The following HELLS variants were observed in gnomAD, a reference collection of about 807,000 sequenced individuals.
HELLS encodes the protein lymphoid-specific helicase.
Under a neutral mutation model 120.0 loss-of-function variants are expected in HELLS, and 32 were observed. The ratio of observed to expected loss-of-function variants is 0.27; its 90% confidence interval spans 0.20 to 0.36. The LOEUF (loss-of-function observed/expected upper bound fraction) is 0.36, where lower values mean the gene tolerates loss of function less well. Among genes scored for constraint, HELLS ranks in the 10% least tolerant of loss-of-function variants. The pLI, the probability that HELLS is intolerant of heterozygous loss-of-function variation, is 1.00. For synonymous variants in HELLS, 341 were observed against 323.4 expected (o/e 1.05, Z -0.58); for missense variants, 650 against 993.4 (o/e 0.65, Z 4.65).
intron 8 of HELLS, among the ~76,000 whole-genome samples, chr10:94,607,572 T>C (rs912953503): frequency 6.6e-6 from 1 of 152,242 alleles, no homozygotes; most frequent in Non-Finnish European, 1.5e-5. Context: ...TTTATTTCTT[T>C]AGTGAGTCAC....
At chr10:94,551,796 G>T (rs185474383) in intron 2 of HELLS, among the ~76,000 whole-genome samples, 3,148 of 151,018 alleles carry the variant, frequency 0.021, 74 homozygotes, top group Non-Finnish European at 0.029. Flanking sequence ...CTGAAGTGCA[G>T]TGGCGCGATC....
chr10:94,590,353 A>G (rs1845422485), intron 13 of HELLS, 60 bp from the exon 14 acceptor site: 14 of 1,422,188 alleles, frequency 9.8e-6, no homozygotes, highest in East Asian at 2.3e-5. Context: ...TTTTGTTTAC[A>G]TTTAGAACCT....
chr10:94,600,151 C>A lies in HELLS; in HGVS notation c.2423-1377C>A, dbSNP rs186443507. ...ACTAAAATAGAAAAAATTAGCGGGGCATGGAGGCATGTGCCTATAATCCCA... is the reference window on the plus strand; with the variant it reads ...ACTAAAATAGAAAAAATTAGCGGGGAATGGAGGCATGTGCCTATAATCCCA... On this transcript the variant is annotated intron_variant, in intron 21 of 21. Coordinates refer to ENST00000348459, the MANE Select transcript of HELLS (RefSeq NM_018063.5). Among the ~76,000 whole-genome samples, 592 of 152,040 alleles carry A rather than the reference C, an allele frequency of 3.9e-3. 3 individuals carry two copies. The highest frequency in any genetic ancestry group is 0.014 in the African/African-American group (563 of 41,466).
chr10:94,606,909 T>C (rs1039862451), downstream of HELLS, among the ~76,000 whole-genome samples: 2 of 152,208 alleles, frequency 1.3e-5, no homozygotes, highest in Admixed American at 6.5e-5. Flanking sequence ...CAATTGTCAG[T>C]ATATGTATAT....
exon 10 of HELLS, chr10:94,612,238 CT>C (rs1846200691): frequency 6.6e-6 from 1 of 151,982 alleles, no homozygotes; most frequent in African/African-American, 2.4e-5. Context: ...AAAAAGAAAG[CT>C]TTGGATAGTA....
chr10:94,589,704 T>TTTG (rs1245683271), intron 13 of HELLS, among the ~76,000 whole-genome samples: 1 of 116,292 alleles, frequency 8.6e-6, no homozygotes, highest in African/African-American at 3.1e-5. Context: ...TTTTTTTTTT[T>TTTG]GAGACAGAGT....
At chr10:94,568,503 A>T (rs1331078841) in intron 6 of HELLS, among the ~76,000 whole-genome samples, 2 of 151,826 alleles carry the variant, frequency 1.3e-5, no homozygotes, top group Non-Finnish European at 2.9e-5. Context: ...ATTTGCTGCT[A>T]CTCTGGTGTT....
chr10:94,596,918 G>T lies in HELLS; in HGVS notation c.2307G>T (p.Lys769Asn). ...TGTCTAAGAATTTCTTAGATCCTAA[G>T]GAATTAATGGAATTATTAAAATCTA... ...LNLSKNFLDP[K>N]ELMELLKSRD... The change falls in exon 20 of 22, where the codon AAG (lysine) becomes AAT (asparagine). Residue 769 changes from lysine to asparagine, a missense_variant. Physicochemically the swap from Lys to Asn is moderately conservative, Grantham distance 94 (BLOSUM62 0). This residue lies in a region of HELLS where 90 missense variants were observed against 109.2 expected (regional missense o/e 0.82). Transcript: ENST00000348459. 6.6e-7 allele frequency: 1 copy of T among 1,507,784 alleles called. No individual in the cohort carries two copies. Among genetic ancestry groups the T allele is most frequent in the South Asian group, 1.1e-5 (1 of 88,170 alleles). 93.4% of individuals were successfully genotyped at this position (1,507,784 alleles called of 1,614,324 possible).
At chr10:94,553,553 T>G (rs974240619) in intron 2 of HELLS, among the ~76,000 whole-genome samples, 13 of 72,124 alleles carry the variant, frequency 1.8e-4, no homozygotes, top group African/African-American at 1.0e-3. Context: ...CTGGCCCCAA[T>G]TTTTTTTTTT....
At chr10:94,546,022 C>T (rs1842737034) in intron 1 of HELLS, 70 bp downstream of exon 1, 3 of 1,525,220 alleles carry the variant, frequency 2.0e-6, no homozygotes, top group Non-Finnish European at 2.7e-6. Flanking sequence ...ATGGAGGCTG[C>T]GGCGGAGTTT....
intron 10 of HELLS, chr10:94,577,368 T>G: frequency 9.3e-6 from 2 of 215,114 alleles, no homozygotes; most frequent in Non-Finnish European, 1.9e-5. Flanking sequence ...CTTGACTGCT[T>G]TTTTTTTCCT....
At chr10:94,606,500 C>A (rs1291478316), downstream of HELLS, among the ~76,000 whole-genome samples, 4 of 150,926 alleles carry the variant, frequency 2.7e-5, no homozygotes, top group African/African-American at 9.8e-5. Flanking sequence ...TGACACTATG[C>A]CCAGATAATT....
intron 2 of HELLS, among the ~76,000 whole-genome samples, chr10:94,550,414 G>T (rs1488446119): frequency 6.6e-6 from 1 of 152,112 alleles, no homozygotes; most frequent in Non-Finnish European, 1.5e-5. Context: ...AAGTAGCTAG[G>T]ACTACAGGCG....
intron 2 of HELLS, among the ~76,000 whole-genome samples, chr10:94,549,944 G>C (rs534923122): frequency 1.1e-4 from 17 of 152,174 alleles, no homozygotes; most frequent in African/African-American, 2.9e-4. Context: ...TTTTGAGACA[G>C]AGTTTCACTC....
intron 2 of HELLS, among the ~76,000 whole-genome samples, chr10:94,549,102 A>C (rs1464485453): frequency 6.6e-6 from 1 of 152,220 alleles, no homozygotes; most frequent in Admixed American, 6.5e-5. Context: ...CAGATAAGGA[A>C]AGTTTTTGAT....
intron 17 of HELLS, among the ~76,000 whole-genome samples, chr10:94,592,905 A>T (rs1845562391): frequency 6.6e-6 from 1 of 151,594 alleles, no homozygotes; most frequent in South Asian, 2.1e-4. Context: ...ATACCTTTTT[A>T]AAAACACATT....
intron 2 of HELLS, among the ~76,000 whole-genome samples, chr10:94,553,906 T>C (rs1178693146): frequency 6.6e-6 from 1 of 152,184 alleles, no homozygotes; most frequent in Non-Finnish European, 1.5e-5. Flanking sequence ...ATGTGTTCAA[T>C]ATTTGAAATT....
At position 94,576,798 on chromosome 10, in the gene HELLS, C is replaced by T. The variant is rs770460162; in HGVS notation, c.1025C>T (p.Ala342Val). 1.2e-5 allele frequency: 19 copies of T among 1,603,264 alleles called. No homozygotes were observed. Among genetic ancestry groups the T allele is most frequent in the African/African-American group, 2.7e-5 (2 of 74,460 alleles). ...SFEIAMRDRN[A>V]LQHCYWKYLI... Reference sequence around the variant, plus strand: ...GAAATAGCCATGAGAGACCGAAATGCGTTACAGGTACAAATGATCTTCATT... The same window carrying T: ...GAAATAGCCATGAGAGACCGAAATGTGTTACAGGTACAAATGATCTTCATT... The change falls in exon 10 of 22, where the codon GCG becomes GTG. Residue 342 changes from alanine to valine, a missense_variant. Ala to Val is a moderately conservative substitution (Grantham distance 64). Transcript: ENST00000348459.
At chr10:94,556,636 A>G (rs1041218641) in intron 3 of HELLS, among the ~76,000 whole-genome samples, 2 of 152,210 alleles carry the variant, frequency 1.3e-5, no homozygotes, top group Non-Finnish European at 2.9e-5. Flanking sequence ...CTATCCACAG[A>G]TAGCCAATTG....
Sources: gnomAD v4.1 joint callset for allele counts (sites outside exome capture counted in the v4.1 genomes callset) on GRCh38, gnomAD v4.1.1 for gene constraint, gnomAD v4.1.1 regional missense constraint, MANE v1.5 for transcripts, NCBI Gene and HGNC (gene_info 2026-07-23, HGNC 2026-07-21) for gene names.